The following CHFR variants were observed in gnomAD, a reference collection of about 807,000 sequenced individuals.
CHFR encodes the protein E3 ubiquitin-protein ligase CHFR.
In CHFR, 57 loss-of-function variants were observed where a neutral mutation model predicts 87.6. The observed-to-expected ratio is 0.65, with a 90% confidence interval of 0.53 to 0.81. The LOEUF is 0.81. CHFR is among the 30% of genes least tolerant of loss of function. CHFR has a pLI of 0.00. For synonymous variants in CHFR, 381 were observed against 359.2 expected (o/e 1.06, Z -0.69); for missense variants, 797 against 865.8 (o/e 0.92, Z 1.00).
At chr12:132,866,356 T>A (rs1951336253) in intron 6 of CHFR, 1 of 151,498 alleles carries the variant, frequency 6.6e-6, no homozygotes, top group Admixed American at 6.6e-5. Context: ...CACACTGGAA[T>A]GTTACAACAC....
At chr12:132,885,858 T>A (rs1357307247) in intron 2 of CHFR, among the ~76,000 whole-genome samples, 2 of 152,150 alleles carry the variant, frequency 1.3e-5, no homozygotes, top group Non-Finnish European at 2.9e-5. Flanking sequence ...TCACCAAACC[T>A]CCTAGTCTAT....
intron 2 of CHFR, among the ~76,000 whole-genome samples, chr12:132,882,090 C>A (rs1278413142): frequency 6.6e-6 from 1 of 152,144 alleles, no homozygotes; most frequent in East Asian, 1.9e-4. Context: ...ACAAAGACTG[C>A]ACACTTATGT....
At chr12:132,871,981 T>C (rs920090049) in intron 4 of CHFR, 44 of 326,398 alleles carry the variant, frequency 1.3e-4, no homozygotes, top group Middle Eastern at 1.8e-3. Context: ...TTATTCCCCA[T>C]AACTCAAGTT....
intron 3 of CHFR, among the ~76,000 whole-genome samples, chr12:132,874,977 AGGCGGG>A: frequency 6.6e-6 from 1 of 151,170 alleles, no homozygotes; most frequent in South Asian, 2.1e-4. Flanking sequence ...GCCCTGATGT[AGGCGGG>A]AAAGCCCAGG....
At chr12:132,841,702 A>G in intron 17 of CHFR, 106 bp from the exon 18 acceptor site, 1 of 909,128 alleles carries the variant, frequency 1.1e-6, no homozygotes, top group South Asian at 1.3e-5. Context: ...GCATTCGGAA[A>G]CCATACACAG....
chr12:132,836,825 C>T lies in CHFR; in HGVS notation c.*4729G>A. On this transcript the variant is annotated 3_prime_UTR_variant, in exon 18 of 18. Transcript: ENST00000450056. Reference sequence around the variant, plus strand: ...ATCAGCTCATCAGACCTTCACCGTTCAGTAGCCAACTGGTCAGTGATCAGT... The same window carrying T: ...ATCAGCTCATCAGACCTTCACCGTTTAGTAGCCAACTGGTCAGTGATCAGT... 4.4e-6 allele frequency: 2 copies of T among 453,198 alleles called. No individual in the cohort carries two copies. Among genetic ancestry groups the T allele is most frequent in the Non-Finnish European group, 8.9e-6 (2 of 225,274 alleles). 28.1% of individuals were successfully genotyped at this position (453,198 alleles called of 1,614,324 possible).
chr12:132,870,887 T>C (rs1393092602), intron 4 of CHFR, 104 bp from the exon 5 acceptor site: 4 of 666,378 alleles, frequency 6.0e-6, no homozygotes, highest in Non-Finnish European at 1.1e-5. Context: ...TTGATTATTT[T>C]GACTCATCAG....
intron 2 of CHFR, among the ~76,000 whole-genome samples, chr12:132,884,885 G>A (rs892756847): frequency 6.6e-6 from 1 of 152,038 alleles, no homozygotes; most frequent in African/African-American, 2.4e-5. Context: ...TCAGGAGTTC[G>A]AGACCAGCCT....
intron 7 of CHFR, 53 bp from the exon 8 acceptor site, chr12:132,859,280 GTT>G: frequency 1.3e-6 from 2 of 1,547,972 alleles, no homozygotes; most frequent in South Asian, 2.4e-5. Context: ...ATACACGCAG[GTT>G]CAGGTCAAGG....
intron 8 of CHFR, among the ~76,000 whole-genome samples, chr12:132,858,710 G>C (rs1951139412): frequency 9.7e-6 from 1 of 103,406 alleles, no homozygotes; most frequent in Non-Finnish European, 1.7e-5. Context: ...CCTGGTGACA[G>C]AGCGAGACTC....
At chr12:132,842,717 A>C (rs1172160209) in intron 17 of CHFR, among the ~76,000 whole-genome samples, 1 of 152,256 alleles carries the variant, frequency 6.6e-6, no homozygotes, top group Admixed American at 6.5e-5. Flanking sequence ...TGAGGCCCTC[A>C]GTGACTGCAG....
intron 4 of CHFR, 143 bp from the exon 5 acceptor site, chr12:132,870,926 T>C (rs1409420158): frequency 3.9e-6 from 2 of 516,878 alleles, no homozygotes; most frequent in Non-Finnish European, 7.0e-6. Flanking sequence ...GTTTAAGAGA[T>C]TTCAAAACAA....
chr12:132,858,103 T>C (rs1951124048), intron 8 of CHFR, among the ~76,000 whole-genome samples: 1 of 152,176 alleles, frequency 6.6e-6, no homozygotes, highest in African/African-American at 2.4e-5. Flanking sequence ...ACGTCTGTAA[T>C]CCCAACACTT....
chr12:132,848,028 G>C, intron 14 of CHFR, 57 bp downstream of exon 14: 2 of 1,612,776 alleles, frequency 1.2e-6, no homozygotes, highest in Non-Finnish European at 1.7e-6. Context: ...AGAACCAGCT[G>C]GCTGCACTAG....
intron 16 of CHFR, 97 bp from the exon 17 acceptor site, chr12:132,843,180 T>C: frequency 9.3e-7 from 1 of 1,079,188 alleles, no homozygotes; most frequent in Non-Finnish European, 1.4e-6. Flanking sequence ...GACGCTGCGG[T>C]GGAAACGCAC....
chr12:132,869,879 G>A (rs1480401294), intron 5 of CHFR, 81 bp from the exon 6 acceptor site: 2 of 1,470,742 alleles, frequency 1.4e-6, no homozygotes, highest in South Asian at 2.4e-5. Flanking sequence ...CAGGGCTCAA[G>A]CAGACACTCT....
chr12:132,857,599 G>C (rs1951111712), intron 8 of CHFR, 40 bp from the exon 9 acceptor site: 1 of 1,599,322 alleles, frequency 6.3e-7, no homozygotes, highest in Non-Finnish European at 8.5e-7. Context: ...CAGTCCCACA[G>C]ATGCAACCGC....
chr12:132,868,480 T>C (rs12830072), intron 6 of CHFR, among the ~76,000 whole-genome samples: 995 of 42,588 alleles, frequency 0.023, no homozygotes, highest in Middle Eastern at 0.17. Flanking sequence ...CCAGCCTGGG[T>C]GACAGAGCGA....
intron 9 of CHFR, 84 bp from the exon 10 acceptor site, chr12:132,856,714 C>T (rs11147111): frequency 0.18 from 262,522 of 1,443,688 alleles, 25,846 homozygotes; most frequent in Admixed American, 0.26. Flanking sequence ...AGCTCGCGTG[C>T]GCAGTGCTGC....
Sources: gnomAD v4.1 joint callset for allele counts (sites outside exome capture counted in the v4.1 genomes callset) on GRCh38, gnomAD v4.1.1 for gene constraint, MANE v1.5 for transcripts, NCBI Gene and HGNC (gene_info 2026-07-23, HGNC 2026-07-21) for gene names.